SDK1: variants seen among roughly 807,000 people sequenced by gnomAD.
The protein encoded by SDK1 is sidekick cell adhesion molecule 1.
In SDK1, 157 loss-of-function variants were observed where a neutral mutation model predicts 245.5. The observed-to-expected ratio is 0.64, with a 90% CI of 0.56 to 0.73. The LOEUF is 0.73. Ranked by LOEUF, SDK1 falls within the 30% of genes least tolerant of loss-of-function variation. The pLI is 0.00. For missense variants in SDK1, 3,583 were observed against 3,002.3 expected, an observed-to-expected ratio of 1.19 and a Z score of -4.52; for synonymous variants, 1,647 against 1,278.5, an observed-to-expected ratio of 1.29 and a Z score of -6.15.
chr7:3,694,142 A>G (rs980277109), intron 4 of SDK1, among the ~76,000 whole-genome samples: 1 of 152,184 alleles, frequency 6.6e-6, no homozygotes, highest in Non-Finnish European at 1.5e-5. Context: ...CACTGTGACA[A>G]TGGGAAAGTA....
intron 4 of SDK1, among the ~76,000 whole-genome samples, chr7:3,750,467 T>C (rs1232737524): frequency 6.6e-6 from 1 of 152,196 alleles, no homozygotes; most frequent in Admixed American, 6.5e-5. Context: ...AGACTTTATT[T>C]AGGACCATTG....
At chr7:4,209,240 G>C (rs1784391518) in intron 37 of SDK1, among the ~76,000 whole-genome samples, 1 of 152,328 alleles carries the variant, frequency 6.6e-6, no homozygotes, top group Admixed American at 6.5e-5. Context: ...CTGCCGGCCT[G>C]GCAGGTCACA....
intron 7 of SDK1, 47 bp from the exon 8 acceptor site, chr7:3,958,884 A>C (rs566049613): frequency 6.9e-7 from 1 of 1,444,338 alleles, no homozygotes; most frequent in East Asian, 2.3e-5. Flanking sequence ...GGTCTCTGAC[A>C]TATCCTTCTT....
At chr7:3,410,252 T>A (rs1779163887) in intron 1 of SDK1, among the ~76,000 whole-genome samples, 1 of 152,144 alleles carries the variant, frequency 6.6e-6, no homozygotes, top group African/African-American at 2.4e-5. Context: ...CCTCATTTGA[T>A]GGGTCACAGT....
intron 4 of SDK1, among the ~76,000 whole-genome samples, chr7:3,780,203 A>C (rs1293359654): frequency 2.6e-5 from 4 of 152,196 alleles, no homozygotes; most frequent in Non-Finnish European, 5.9e-5. Flanking sequence ...CCATCTCCCA[A>C]GTTGGCACAG....
chr7:3,349,575 C>T (rs1273636136), intron 1 of SDK1, among the ~76,000 whole-genome samples: 2 of 152,130 alleles, frequency 1.3e-5, no homozygotes, highest in Non-Finnish European at 2.9e-5. Flanking sequence ...GAAGTCATAC[C>T]TGCCTTTTTG....
At chr7:3,461,485 G>A (rs1374775201) in intron 1 of SDK1, among the ~76,000 whole-genome samples, 1 of 152,148 alleles carries the variant, frequency 6.6e-6, no homozygotes, top group Non-Finnish European at 1.5e-5. Flanking sequence ...GGGAAATGAT[G>A]TGAAGAAAAG....
chr7:4,098,183 G>A (rs1263335454), intron 22 of SDK1, among the ~76,000 whole-genome samples: 1 of 152,158 alleles, frequency 6.6e-6, no homozygotes, highest in East Asian at 1.9e-4. Context: ...GATCCGTTGA[G>A]GTCCTATTAT....
intron 44 of SDK1, among the ~76,000 whole-genome samples, chr7:4,253,755 C>G (rs1787456970): frequency 6.6e-6 from 1 of 152,140 alleles, no homozygotes; most frequent in Non-Finnish European, 1.5e-5. Flanking sequence ...GTCTGTGTCT[C>G]CCTTCAAATC....
At chr7:3,846,346 C>A (rs1780278249) in intron 5 of SDK1, among the ~76,000 whole-genome samples, 1 of 152,162 alleles carries the variant, frequency 6.6e-6, no homozygotes, top group Non-Finnish European at 1.5e-5. Context: ...GGTGTGCATT[C>A]TAAATGTGCT....
At chr7:3,445,324 G>C (rs1780311818) in intron 1 of SDK1, among the ~76,000 whole-genome samples, 1 of 152,118 alleles carries the variant, frequency 6.6e-6, no homozygotes, top group Non-Finnish European at 1.5e-5. Flanking sequence ...AATAATGAGA[G>C]AGCAAGTATT....
chr7:3,984,576 C>T (rs1182942388), intron 13 of SDK1, among the ~76,000 whole-genome samples: 1 of 152,200 alleles, frequency 6.6e-6, no homozygotes, highest in Non-Finnish European at 1.5e-5. Flanking sequence ...CTGTTCACAT[C>T]TTATAGCATA....
intron 1 of SDK1, among the ~76,000 whole-genome samples, chr7:3,505,960 G>C (rs548066097): frequency 6.6e-6 from 1 of 152,006 alleles, no homozygotes; most frequent in South Asian, 2.1e-4. Context: ...TTTTATGTTT[G>C]TTATAAGCTC....
chr7:4,210,123 G>C lies in SDK1; in HGVS notation c.5500G>C (p.Gly1834Arg). Reference protein sequence around the residue: ...EPAAANGILQGYRVVYEPLAP... With the variant: ...EPAAANGILQRYRVVYEPLAP... ...TGCGGCGGCCAACGGCATCCTGCAG[G>C]GCTATCGGGTGGTGTACGAGCCCTT... Residue 1834 changes from glycine to arginine, a missense_variant, in exon 38 of 45, where the codon GGC (glycine) becomes CGC (arginine). Gly to Arg is a moderately radical substitution (Grantham distance 125). Coordinates refer to ENST00000404826, the MANE Select transcript of SDK1 (RefSeq NM_152744.4). The C allele has an allele frequency of 6.2e-7, 1 of 1,606,804 alleles. No homozygotes were observed. The highest frequency in any genetic ancestry group is 8.5e-7 in the Non-Finnish European group (1 of 1,177,196).
chr7:3,515,844 T>A (rs1447072335), intron 1 of SDK1, among the ~76,000 whole-genome samples: 1 of 152,146 alleles, frequency 6.6e-6, no homozygotes, highest in Non-Finnish European at 1.5e-5. Context: ...TTTTGAAGAT[T>A]GAAACAAAAC....
chr7:3,828,707 A>G (rs1288470065), intron 5 of SDK1, among the ~76,000 whole-genome samples: 1 of 137,220 alleles, frequency 7.3e-6, no homozygotes, highest in Non-Finnish European at 1.5e-5. Context: ...ACTGGAGTGC[A>G]GTAGTGAGAT....
chr7:3,349,188 TAAA>T (rs112013810), intron 1 of SDK1, among the ~76,000 whole-genome samples: 8 of 150,424 alleles, frequency 5.3e-5, no homozygotes, highest in Non-Finnish European at 1.0e-4. Flanking sequence ...GGTTGCAGTT[TAAA>T]AAAAAACAAC....
chr7:3,325,092 T>A (rs769460871), intron 1 of SDK1, among the ~76,000 whole-genome samples: 5 of 152,104 alleles, frequency 3.3e-5, no homozygotes, highest in Non-Finnish European at 7.4e-5. Context: ...GAAGAAGATC[T>A]TAAAGTTCTC....
chr7:3,612,464 A>G (rs1781623881), intron 1 of SDK1, among the ~76,000 whole-genome samples: 1 of 152,196 alleles, frequency 6.6e-6, no homozygotes, highest in Non-Finnish European at 1.5e-5. Flanking sequence ...TTCAATAGGT[A>G]TACATAATGA....
Sources: gnomAD v4.1 joint callset for allele counts (sites outside exome capture counted in the v4.1 genomes callset) on GRCh38, gnomAD v4.1.1 for gene constraint, MANE v1.5 for transcripts, NCBI Gene and HGNC (gene_info 2026-07-23, HGNC 2026-07-21) for gene names.